Variants in RPH3A observed in about 807,000 individuals in gnomAD.
RPH3A encodes rabphilin 3A.
A neutral mutation model predicts 102.2 loss-of-function variants in RPH3A; 48 were observed. The observed-to-expected ratio is 0.47, with a 90% CI of 0.37 to 0.60. The LOEUF is 0.60. Among genes scored for constraint, RPH3A ranks in the 20% least tolerant of loss-of-function variants. The pLI is 0.00. For missense variants in RPH3A, 781 were observed against 910.1 expected, an observed-to-expected ratio of 0.86 and a Z score of 1.83; for synonymous variants, 310 against 324.3, an observed-to-expected ratio of 0.96 and a Z score of 0.47.
At chr12:112,844,598 A>C (rs2042200515) in intron 4 of RPH3A, among the ~76,000 whole-genome samples, 1 of 152,172 alleles carries the variant, frequency 6.6e-6, no homozygotes, top group Admixed American at 6.5e-5. Context: ...AACTGTGAGA[A>C]AACAAATGTG....
chr12:112,599,985 G>A (rs1266117338), intron 1 of RPH3A, among the ~76,000 whole-genome samples: 2 of 152,204 alleles, frequency 1.3e-5, no homozygotes, highest in African/African-American at 4.8e-5. Context: ...TGCCTCCGGA[G>A]TTGCTGTGAG....
chr12:112,599,743 C>T (rs1035894340), intron 1 of RPH3A, among the ~76,000 whole-genome samples: 1 of 152,098 alleles, frequency 6.6e-6, no homozygotes, highest in Admixed American at 6.6e-5. Flanking sequence ...AGTGGTATCC[C>T]ACCACCCTTC....
chr12:112,875,792 C>T, intron 12 of RPH3A, 51 bp downstream of exon 12: 1 of 1,534,602 alleles, frequency 6.5e-7, no homozygotes, highest in South Asian at 1.1e-5. Context: ...CTCTCCCCTA[C>T]CTCCCTGAGA....
upstream of RPH3A, among the ~76,000 whole-genome samples, chr12:112,789,749 A>C (rs895810351): frequency 6.6e-6 from 1 of 151,724 alleles, no homozygotes; most frequent in Non-Finnish European, 1.5e-5. Flanking sequence ...AATCAACACC[A>C]TCACTATAAT....
At chr12:112,834,371 T>C (rs1235841095) in intron 3 of RPH3A, among the ~76,000 whole-genome samples, 5 of 152,258 alleles carry the variant, frequency 3.3e-5, no homozygotes, top group African/African-American at 1.2e-4. Context: ...GTTCATTTAC[T>C]CATTTATCCG....
chr12:112,660,419 C>T (rs902439124), intron 1 of RPH3A, among the ~76,000 whole-genome samples: 4 of 152,156 alleles, frequency 2.6e-5, no homozygotes, highest in Admixed American at 6.6e-5. Context: ...ACACCCCCTG[C>T]CCCATACCAA....
At chr12:112,727,949 C>G (rs1323311674) in intron 1 of RPH3A, among the ~76,000 whole-genome samples, 1 of 152,174 alleles carries the variant, frequency 6.6e-6, no homozygotes, top group Non-Finnish European at 1.5e-5. Flanking sequence ...AGCCAGACCT[C>G]AGCCCAATAG....
intron 1 of RPH3A, among the ~76,000 whole-genome samples, chr12:112,674,000 C>T (rs2136011194): frequency 6.6e-6 from 1 of 152,314 alleles, no homozygotes; most frequent in South Asian, 2.1e-4. Flanking sequence ...TTCAAGCGAT[C>T]CTCCCACCTC....
chr12:112,748,496 G>A (rs1230009042), intron 1 of RPH3A, among the ~76,000 whole-genome samples: 3 of 152,110 alleles, frequency 2.0e-5, no homozygotes, highest in Admixed American at 1.3e-4. Context: ...ACCATGCTTA[G>A]CTAATTTTTA....
chr12:112,895,942 G>A (rs1315460811), intron 21 of RPH3A, 69 bp downstream of exon 21: 8 of 1,074,130 alleles, frequency 7.4e-6, no homozygotes, highest in Non-Finnish European at 9.9e-6. Context: ...CCTTATCCAG[G>A]GCTACAGAGA....
chr12:112,896,271 G>A (rs2043178137), intron 21 of RPH3A, among the ~76,000 whole-genome samples: 2 of 152,196 alleles, frequency 1.3e-5, no homozygotes, highest in Non-Finnish European at 2.9e-5. Flanking sequence ...CTCCAGGCAA[G>A]GGACAGAGCC....
intron 1 of RPH3A, among the ~76,000 whole-genome samples, chr12:112,734,009 G>A (rs900929570): frequency 1.3e-5 from 2 of 152,144 alleles, no homozygotes; most frequent in East Asian, 3.8e-4. Context: ...CCTCTACACA[G>A]CTCTTTGAAT....
At chr12:112,630,819 C>G (rs1039102519) in intron 1 of RPH3A, among the ~76,000 whole-genome samples, 1 of 152,094 alleles carries the variant, frequency 6.6e-6, no homozygotes, top group African/African-American at 2.4e-5. Context: ...TGGAATAAGA[C>G]AGGTACAATC....
At chr12:112,698,550 A>G (rs2040368554) in intron 1 of RPH3A, among the ~76,000 whole-genome samples, 1 of 152,102 alleles carries the variant, frequency 6.6e-6, no homozygotes, top group South Asian at 2.1e-4. Context: ...CCATAAAATA[A>G]TGATAAATTT....
intron 1 of RPH3A, among the ~76,000 whole-genome samples, chr12:112,583,909 C>T (rs1201067494): frequency 2.6e-5 from 4 of 152,156 alleles, no homozygotes; most frequent in Non-Finnish European, 5.9e-5. Context: ...TCGCTTGAGC[C>T]TAGGAGGTGG....
chr12:112,879,739 C>A (rs913945987), intron 14 of RPH3A, among the ~76,000 whole-genome samples: 1 of 152,194 alleles, frequency 6.6e-6, no homozygotes, highest in Non-Finnish European at 1.5e-5. Flanking sequence ...TGGGTGAAGC[C>A]AGTGCAAACC....
At chr12:112,883,232 G>T in intron 15 of RPH3A, 61 bp from the exon 16 acceptor site, 1 of 1,364,874 alleles carries the variant, frequency 7.3e-7, no homozygotes. Flanking sequence ...CCAAACGATG[G>T]GGTTCCAGGA....
intron 1 of RPH3A, among the ~76,000 whole-genome samples, chr12:112,577,386 C>A (rs539765312): frequency 2.9e-4 from 44 of 152,326 alleles, no homozygotes; most frequent in African/African-American, 1.0e-3. Context: ...GTATTTGTAA[C>A]TGTCATGCTG....
At chr12:112,761,787 G>A (rs2040856335) in intron 1 of RPH3A, among the ~76,000 whole-genome samples, 1 of 152,226 alleles carries the variant, frequency 6.6e-6, no homozygotes, top group Non-Finnish European at 1.5e-5. Context: ...CTTGCATGAT[G>A]AAACCAGGGG....
Sources: gnomAD v4.1 joint callset for allele counts (sites outside exome capture counted in the v4.1 genomes callset) on GRCh38, gnomAD v4.1.1 for gene constraint, MANE v1.5 for transcripts, NCBI Gene and HGNC (gene_info 2026-07-23, HGNC 2026-07-21) for gene names.